SLCO5A1: variants seen among roughly 807,000 people sequenced by gnomAD.
SLCO5A1 encodes the protein organic anion transporter polypeptide-related protein 4.
Under a neutral mutation model 65.1 loss-of-function variants are expected in SLCO5A1, and 39 were observed. That is an observed-to-expected ratio of 0.60 (90% CI 0.46 to 0.78). SLCO5A1 has a LOEUF of 0.78. SLCO5A1 is among the 30% of genes least tolerant of loss of function. The pLI is 0.00. For synonymous variants in SLCO5A1, 438 were observed against 415.7 expected (o/e 1.05, Z -0.65); for missense variants, 1,029 against 1,069.4 (o/e 0.96, Z 0.53).
chr8:69,823,625 G>C (rs1820746077), intron 2 of SLCO5A1, among the ~76,000 whole-genome samples: 1 of 152,140 alleles, frequency 6.6e-6, no homozygotes, highest in South Asian at 2.1e-4. Context: ...GATTCATAAA[G>C]GAAGTCCTGA....
intron 3 of SLCO5A1, among the ~76,000 whole-genome samples, chr8:69,756,468 G>A (rs143302435): frequency 3.6e-4 from 55 of 152,256 alleles, no homozygotes; most frequent in Middle Eastern, 3.4e-3. Flanking sequence ...ACTTCACCAA[G>A]TATGAGGGTT....
At chr8:69,822,849 C>CT (rs1820705997) in intron 2 of SLCO5A1, among the ~76,000 whole-genome samples, 1 of 152,218 alleles carries the variant, frequency 6.6e-6, no homozygotes, top group African/African-American at 2.4e-5. Flanking sequence ...TTTTCTGCCT[C>CT]TTTTCCGGTG....
At chr8:69,750,043 C>T (rs1178881693) in intron 4 of SLCO5A1, among the ~76,000 whole-genome samples, 1 of 152,272 alleles carries the variant, frequency 6.6e-6, no homozygotes, top group East Asian at 1.9e-4. Context: ...TGAGGACCAA[C>T]AATGAGCCCA....
intron 2 of SLCO5A1, among the ~76,000 whole-genome samples, chr8:69,793,620 A>G (rs1413344142): frequency 2.0e-5 from 3 of 151,950 alleles, no homozygotes; most frequent in African/African-American, 7.3e-5. Context: ...TCTACTAAAA[A>G]TACAAAAATT....
chr8:69,747,109 C>A (rs1817068219), intron 4 of SLCO5A1, among the ~76,000 whole-genome samples: 1 of 152,210 alleles, frequency 6.6e-6, no homozygotes, highest in Admixed American at 6.5e-5. Context: ...TCTGGCCTTG[C>A]TCCGATTCTG....
chr8:69,781,832 T>G (rs552045113), intron 2 of SLCO5A1, among the ~76,000 whole-genome samples: 1 of 152,120 alleles, frequency 6.6e-6, no homozygotes, highest in Middle Eastern at 3.4e-3. Context: ...TCATTTTGTA[T>G]TTTTAGTAGA....
chr8:69,708,524 C>T (rs1362711128), intron 5 of SLCO5A1, among the ~76,000 whole-genome samples: 1 of 150,860 alleles, frequency 6.6e-6, no homozygotes. Context: ...TGTGCCATTG[C>T]ACTCCAGACT....
chr8:69,811,308 C>G (rs966389226), intron 2 of SLCO5A1, among the ~76,000 whole-genome samples: 22 of 152,196 alleles, frequency 1.4e-4, no homozygotes, highest in Admixed American at 1.2e-3. Context: ...CAGCGCCTGT[C>G]GTAATTACCA....
intron 6 of SLCO5A1, among the ~76,000 whole-genome samples, chr8:69,686,027 T>C (rs2130793053): frequency 6.6e-6 from 1 of 152,278 alleles, no homozygotes; most frequent in South Asian, 2.1e-4. Context: ...TACCCCAAGA[T>C]CTAAAGAACA....
At chr8:69,802,396 C>T (rs928390324) in intron 2 of SLCO5A1, among the ~76,000 whole-genome samples, 1 of 151,380 alleles carries the variant, frequency 6.6e-6, no homozygotes, top group Non-Finnish European at 1.5e-5. Flanking sequence ...GTCCCAGCTA[C>T]TCGGGAGGCG....
At chr8:69,692,277 A>G (rs1388177546) in intron 6 of SLCO5A1, among the ~76,000 whole-genome samples, 1 of 152,130 alleles carries the variant, frequency 6.6e-6, no homozygotes, top group African/African-American at 2.4e-5. Flanking sequence ...AAAAATAAAA[A>G]ATGATACACC....
intron 5 of SLCO5A1, among the ~76,000 whole-genome samples, chr8:69,712,453 A>G (rs111244173): frequency 6.6e-6 from 1 of 152,156 alleles, no homozygotes; most frequent in Admixed American, 6.5e-5. Context: ...GCCAATTTGT[A>G]TTGTAAATAG....
chr8:69,758,054 GT>G (rs1355117073), intron 3 of SLCO5A1, among the ~76,000 whole-genome samples: 7 of 152,216 alleles, frequency 4.6e-5, no homozygotes, highest in Admixed American at 1.3e-4. Flanking sequence ...TATTAAGTAT[GT>G]TTGGGGATCA....
intron 2 of SLCO5A1, among the ~76,000 whole-genome samples, chr8:69,819,575 C>T (rs1366333502): frequency 6.6e-6 from 1 of 152,116 alleles, no homozygotes; most frequent in Non-Finnish European, 1.5e-5. Flanking sequence ...GAAAGAGGTG[C>T]TATTTACTGA....
intron 2 of SLCO5A1, among the ~76,000 whole-genome samples, chr8:69,829,787 GT>G (rs1158033274): frequency 5.3e-5 from 8 of 152,202 alleles, no homozygotes; most frequent in African/African-American, 1.9e-4. Flanking sequence ...GGATGTTGAT[GT>G]TCCTTCAGTT....
chr8:69,813,209 T>G (rs1820276427), intron 2 of SLCO5A1, among the ~76,000 whole-genome samples: 1 of 152,004 alleles, frequency 6.6e-6, no homozygotes, highest in East Asian at 1.9e-4. Context: ...AAAAAAAAAG[T>G]ATCTTAAAAC....
chr8:69,810,480 A>T (rs1490837346), intron 2 of SLCO5A1, among the ~76,000 whole-genome samples: 2 of 152,202 alleles, frequency 1.3e-5, no homozygotes, highest in Non-Finnish European at 2.9e-5. Flanking sequence ...AGAAAGCCAA[A>T]TTCTAACAAA....
At chr8:69,767,905 AAAAAAAC>A (rs1818134331) in intron 2 of SLCO5A1, among the ~76,000 whole-genome samples, 9 of 140,244 alleles carry the variant, frequency 6.4e-5, no homozygotes, top group African/African-American at 2.7e-4. Flanking sequence ...AAAAAAAAAA[AAAAAAAC>A]AAAAAGAAAA....
intron 6 of SLCO5A1, among the ~76,000 whole-genome samples, chr8:69,691,280 C>T (rs933340092): frequency 2.6e-5 from 4 of 152,106 alleles, no homozygotes; most frequent in East Asian, 1.9e-4. Flanking sequence ...AGAGCTCTCA[C>T]GATCTTTCAA....
Sources: allele counts gnomAD v4.1 joint callset (sites outside exome capture counted in the v4.1 genomes callset), GRCh38; gene constraint gnomAD v4.1.1; transcripts MANE v1.5; gene names NCBI Gene and HGNC (gene_info 2026-07-23, HGNC 2026-07-21).